Variants in CUBN observed in about 807,000 individuals in gnomAD.
CUBN encodes cubilin.
Under a neutral mutation model 405.3 loss-of-function variants are expected in CUBN, and 282 were observed. The observed-to-expected ratio is 0.70, with a 90% CI of 0.63 to 0.77. The LOEUF (loss-of-function observed/expected upper bound fraction) is 0.77, where lower values mean the gene tolerates loss of function less well. CUBN is among the 30% of genes least tolerant of loss of function. The pLI, the probability that CUBN is intolerant of heterozygous loss-of-function variation, is 0.00. For missense variants in CUBN, 4,514 were observed against 4,475.2 expected, an observed-to-expected ratio of 1.01 and a Z score of -0.25; for synonymous variants, 1,684 against 1,617.0, an observed-to-expected ratio of 1.04 and a Z score of -0.99.
At chr10:17,004,630 T>A (rs1419268767) in intron 28 of CUBN, among the ~76,000 whole-genome samples, 2 of 151,460 alleles carry the variant, frequency 1.3e-5, no homozygotes, top group Non-Finnish European at 2.9e-5. Context: ...TTGACACACA[T>A]CTACTCCACC....
intron 59 of CUBN, among the ~76,000 whole-genome samples, chr10:16,863,723 T>C (rs1840083072): frequency 1.3e-5 from 2 of 152,326 alleles, no homozygotes; most frequent in East Asian, 1.9e-4. Context: ...TTTCCATTTG[T>C]TGTGACCATG....
intron 31 of CUBN, among the ~76,000 whole-genome samples, chr10:16,968,032 G>GGA (rs936909510): frequency 5.8e-4 from 87 of 150,806 alleles, no homozygotes; most frequent in Non-Finnish European, 8.9e-5. Context: ...GAAGAGGAGG[G>GGA]GAGAGAGAGA....
In CUBN at chr10:16,985,920, C is replaced by T. The variant is rs150714746; in HGVS notation, c.4351-1641G>A. Among the ~76,000 whole-genome samples the T allele has an allele frequency of 3.7e-4, 57 of 152,304 alleles. No individual in the cohort carries two copies. The East Asian group carries it at 5.6e-3, about 15-fold the overall frequency. ...TCTGGAAAGAGTCTCCTTGGGCTCA[C>T]GGAGGGCATCTTGCAGGCAAGGATA... On this transcript the variant is annotated intron_variant, in intron 29 of 66. Transcript: ENST00000377833.
At position 16,984,286 on chromosome 10, in the gene CUBN, T is replaced by C. The variant is rs766229646; in HGVS notation, c.4351-7A>G. 4 of 1,613,722 alleles carry C rather than the reference T, an allele frequency of 2.5e-6. No individual in the cohort carries two copies. In the African/African-American group the frequency reaches 4.0e-5, roughly 16 times the overall value. ...AATCGGGGCCTCCATAGATCTAACA[T>C]GGGATGTAGGAAAAAAGACTTTAAA... On this transcript the variant is annotated splice_region_variant and splice_polypyrimidine_tract_variant and intron_variant, in intron 29 of 66. Transcript: ENST00000377833.
chr10:16,976,130 T>C (rs921018987), intron 31 of CUBN, among the ~76,000 whole-genome samples: 1 of 151,858 alleles, frequency 6.6e-6, no homozygotes, highest in African/African-American at 2.4e-5. Flanking sequence ...GCCACCATGC[T>C]TGGCTAATTT....
intron 65 of CUBN, among the ~76,000 whole-genome samples, chr10:16,829,352 A>AAC (rs111472699): frequency 0.021 from 3,185 of 151,134 alleles, 144 homozygotes; most frequent in African/African-American, 0.073. Flanking sequence ...GAAAAAAAAA[A>AAC]AAAAAACAAA....
chr10:16,907,394 G>T, intron 49 of CUBN, 114 bp downstream of exon 49: 4 of 1,104,916 alleles, frequency 3.6e-6, no homozygotes, highest in South Asian at 1.3e-5. Context: ...TTATGTCAAA[G>T]ATTTCAAGTA....
intron 17 of CUBN, among the ~76,000 whole-genome samples, chr10:17,076,097 G>GA (rs977460243): frequency 4.0e-5 from 6 of 151,542 alleles, no homozygotes; most frequent in East Asian, 1.9e-4. Context: ...TGACAAGAAG[G>GA]AAAAAAAACA....
rs548918948 is a variant in CUBN at position 17,085,580 on chromosome 10, A to G, written c.2110+17T>C. 28 of 1,612,656 alleles carry G rather than the reference A, an allele frequency of 1.7e-5. No individual in the cohort carries two copies. In the South Asian group the frequency reaches 2.5e-4, roughly 15 times the overall value. ...CCTTCAAATCCCTCTTAAGCCCCCAACTGGTAGGTTACTTACAAGGTGATG... is the reference window on the plus strand; with the variant it reads ...CCTTCAAATCCCTCTTAAGCCCCCAGCTGGTAGGTTACTTACAAGGTGATG... On this transcript the variant is annotated intron_variant, in intron 16 of 66. Transcript: ENST00000377833.
intron 17 of CUBN, among the ~76,000 whole-genome samples, chr10:17,073,087 A>C (rs1178092584): frequency 1.3e-5 from 2 of 152,226 alleles, no homozygotes; most frequent in Non-Finnish European, 2.9e-5. Context: ...ACATAGAATA[A>C]TTTCCAAATA....
intron 23 of CUBN, among the ~76,000 whole-genome samples, chr10:17,046,327 T>C (rs1456065085): frequency 3.9e-5 from 6 of 152,202 alleles, no homozygotes; most frequent in Non-Finnish European, 7.4e-5. Context: ...TATGGTGTTT[T>C]ATATAACCAA....
chr10:17,011,818 C>G (rs1454295337), intron 28 of CUBN, among the ~76,000 whole-genome samples: 1 of 138,190 alleles, frequency 7.2e-6, no homozygotes, highest in Admixed American at 6.8e-5. Context: ...GGTGCATTTA[C>G]AAACCTTTAG....
intron 64 of CUBN, among the ~76,000 whole-genome samples, chr10:16,832,355 T>A (rs988581233): frequency 1.3e-5 from 2 of 152,234 alleles, no homozygotes; most frequent in Non-Finnish European, 2.9e-5. Flanking sequence ...ATTGCTGGTA[T>A]CTTAAGTCAC....
chr10:17,081,006 G>C (rs1448619557), intron 17 of CUBN, among the ~76,000 whole-genome samples: 1 of 152,000 alleles, frequency 6.6e-6, no homozygotes, highest in Non-Finnish European at 1.5e-5. Context: ...ACTTAAGAGA[G>C]ATATATAAAT....
At position 16,970,238 on chromosome 10, in the gene CUBN, A is replaced by G. The variant is rs554828146; in HGVS notation, c.4695+12246T>C. 1.7e-3 allele frequency among the ~76,000 whole-genome samples: 260 copies of G among 152,304 alleles called. 1 individual carries two copies. Among genetic ancestry groups the G allele is most frequent in the African/African-American group, 5.9e-3 (244 of 41,548 alleles). The stretch of plus-strand genomic sequence containing the variant: ...TTGAATTCTTAACACTTTTCCTTCT[A>G]TTGACAAATGAAGGCTGGGCTTATC... On this transcript the variant is annotated intron_variant, in intron 31 of 66. Transcript: ENST00000377833.
At chr10:16,864,184 T>G (rs1840096926) in intron 59 of CUBN, among the ~76,000 whole-genome samples, 1 of 152,226 alleles carries the variant, frequency 6.6e-6, no homozygotes, top group Non-Finnish European at 1.5e-5. Context: ...GAGTAACAAT[T>G]GTGCAAGGCC....
chr10:17,057,693 AG>A, intron 22 of CUBN, among the ~76,000 whole-genome samples: 1 of 152,244 alleles, frequency 6.6e-6, no homozygotes, highest in South Asian at 2.1e-4. Flanking sequence ...GGGAAAAAAA[AG>A]CTCAACTATC....
At chr10:16,902,159 GTATATACTA>G (rs1362831016) in intron 51 of CUBN, among the ~76,000 whole-genome samples, 1 of 124,396 alleles carries the variant, frequency 8.0e-6, no homozygotes, top group Non-Finnish European at 1.6e-5. Context: ...ATATATATTT[GTATATACTA>G]TATATAGTAT....
At chr10:16,997,001 A>T (rs1833752109) in intron 28 of CUBN, among the ~76,000 whole-genome samples, 1 of 152,260 alleles carries the variant, frequency 6.6e-6, no homozygotes, top group Non-Finnish European at 1.5e-5. Flanking sequence ...ATTAGTGAGG[A>T]TGTTCACGTG....
Sources: gnomAD v4.1 joint callset for allele counts (sites outside exome capture counted in the v4.1 genomes callset) on GRCh38, gnomAD v4.1.1 for gene constraint, MANE v1.5 for transcripts, NCBI Gene and HGNC (gene_info 2026-07-23, HGNC 2026-07-21) for gene names.